Variants in KDM3B observed in about 807,000 individuals in gnomAD.
KDM3B encodes lysine-specific demethylase 3B.
A neutral mutation model predicts 170.0 loss-of-function variants in KDM3B; 10 were observed. That is an observed-to-expected ratio of 0.06 (90% CI 0.04 to 0.10). The LOEUF (loss-of-function observed/expected upper bound fraction) is 0.10. KDM3B is among the 10% of genes least tolerant of loss of function. The pLI is 1.00. For missense variants in KDM3B, 1,394 were observed against 2,195.2 expected (o/e 0.64, Z 7.29); for synonymous variants, 831 against 834.8 (o/e 1.00, Z 0.08).
chr5:138,391,734 T>C lies in KDM3B; in HGVS notation c.2102T>C (p.Leu701Pro), dbSNP rs1762436192. ...TTCATTACAACTGACTCCTCCAAGC[T>C]AGTATCTGGTGTTCTGGGCTCAGCT... ...PLFITTDSSK[L>P]VSGVLGSALT... Residue 701 changes from leucine (L) to proline (P), a missense_variant, in exon 8 of 24, where the codon CTA (leucine) becomes CCA (proline). This residue lies in a region of KDM3B where 294 missense variants were observed against 311.7 expected (regional missense o/e 0.94). Transcript: ENST00000314358. The surrounding 1 kb of genome is among the most constrained non-coding windows in gnomAD (Gnocchi z 5.0). The C allele has an allele frequency of 6.2e-7, 1 of 1,614,046 alleles. No homozygotes were observed. The highest frequency in any genetic ancestry group is 8.5e-7 in the Non-Finnish European group (1 of 1,180,030).
intron 9 of KDM3B, among the ~76,000 whole-genome samples, chr5:138,397,226 T>C (rs966672661): frequency 6.6e-6 from 1 of 151,958 alleles, no homozygotes. Context: ...TTCCAGCTAC[T>C]GGGGAGGCTG....
intron 14 of KDM3B, among the ~76,000 whole-genome samples, chr5:138,419,766 C>CACACACACACACACACACAT (rs1371751932): frequency 1.5e-5 from 2 of 131,994 alleles, no homozygotes; most frequent in African/African-American, 2.8e-5. Flanking sequence ...CACACACACA[C>CACACACACACACACACACAT]ATATATATGA....
chr5:138,377,380 C>T (rs1762024414), intron 3 of KDM3B, among the ~76,000 whole-genome samples: 1 of 152,170 alleles, frequency 6.6e-6, no homozygotes, highest in Non-Finnish European at 1.5e-5. Context: ...TTGATCCTAG[C>T]ATTCTTAATT....
In KDM3B at chr5:138,391,146, T is replaced by G. The variant is rs1379518518; in HGVS notation, c.1514T>G (p.Phe505Cys). Residue 505 changes from phenylalanine to cysteine, a missense_variant, in exon 8 of 24, where the codon TTC (phenylalanine) becomes TGC (cysteine). Around this residue, in one of 19 missense-constraint regions of KDM3B, gnomAD observed 294 missense variants for 311.7 expected, o/e 0.94. Transcript: ENST00000314358. This position sits in a 1 kb window ranked among gnomAD's most constrained non-coding sequence, Gnocchi z 5.0. Reference protein sequence around the residue: ...VLATENKPLGFSFGCSSAQEA... With the variant: ...VLATENKPLGCSFGCSSAQEA... The stretch of plus-strand genomic sequence containing the variant: ...GCCACAGAGAACAAACCTTTGGGCT[T>G]CTCTTTTGGCTGTAGCTCTGCACAA... 8 of 1,614,040 alleles carry G rather than the reference T, an allele frequency of 5.0e-6. No individual in the cohort carries two copies. The highest frequency in any genetic ancestry group is 3.3e-5 in the Admixed American group (2 of 60,000).
chr5:138,419,678 T>TATATATAC, intron 14 of KDM3B, among the ~76,000 whole-genome samples: 1 of 133,156 alleles, frequency 7.5e-6, no homozygotes, highest in East Asian at 2.2e-4. Flanking sequence ...AATATATATA[T>TATATATAC]ATATATATAT....
At chr5:138,399,740 C>G in intron 10 of KDM3B, 120 bp from the exon 11 acceptor site, 1 of 798,308 alleles carries the variant, frequency 1.3e-6, no homozygotes, top group Non-Finnish European at 1.9e-6. Context: ...GAAACACAGA[C>G]TTTATGAATC....
At chr5:138,368,129 A>G (rs1320082554) in intron 1 of KDM3B, among the ~76,000 whole-genome samples, 1 of 151,874 alleles carries the variant, frequency 6.6e-6, no homozygotes, top group East Asian at 1.9e-4. Context: ...TATTTTTGCT[A>G]GTTTATATCC....
intron 5 of KDM3B, 54 bp downstream of exon 5, chr5:138,379,762 G>A: frequency 1.3e-6 from 2 of 1,527,922 alleles, no homozygotes; most frequent in African/African-American, 1.4e-5. Flanking sequence ...AAAGAGGATG[G>A]TTTAGATAGG....
intron 9 of KDM3B, among the ~76,000 whole-genome samples, chr5:138,393,908 C>A (rs988780283): frequency 6.6e-6 from 1 of 152,006 alleles, no homozygotes; most frequent in African/African-American, 2.4e-5. Context: ...TTCTGAGTGA[C>A]CTTTCAAGAA....
At chr5:138,353,019 C>G in intron 1 of KDM3B, 32 bp downstream of exon 1, 1 of 963,064 alleles carries the variant, frequency 1.0e-6, no homozygotes, top group African/African-American at 2.1e-5. Flanking sequence ...CACTCGAGGC[C>G]GGGGCTGCGG....
At chr5:138,372,011 A>G (rs1761885895) in intron 1 of KDM3B, among the ~76,000 whole-genome samples, 1 of 151,832 alleles carries the variant, frequency 6.6e-6, no homozygotes, top group Non-Finnish European at 1.5e-5. Flanking sequence ...TACTTGGGAG[A>G]CTGAGGCAGG....
chr5:138,376,929 C>T (rs1762014675), intron 3 of KDM3B, among the ~76,000 whole-genome samples: 1 of 152,114 alleles, frequency 6.6e-6, no homozygotes, highest in African/African-American at 2.4e-5. Flanking sequence ...ATTTATTTTT[C>T]ACTTGTAAGG....
intron 9 of KDM3B, among the ~76,000 whole-genome samples, chr5:138,397,671 G>A (rs1421034078): frequency 1.3e-5 from 2 of 152,002 alleles, no homozygotes; most frequent in African/African-American, 4.8e-5. Context: ...GACCAGCCTG[G>A]GCAACATGGC....
rs756330225 is a variant in KDM3B, at chr5:138,391,094, G to A, written c.1462G>A (p.Gly488Arg). The part of the protein sequence containing the change: ...SSSQPLTFGS[G>R]RSQSNGVLAT... ...ATCGCAACCTTTGACTTTTGGAAGT[G>A]GAAGGAGCCAGTCCAATGGTGTTCT... Residue 488 changes from glycine (G) to arginine (R), a missense_variant, in exon 8 of 24, where the codon GGA (glycine) becomes AGA (arginine). By Grantham distance (125) the Gly-to-Arg change is moderately radical (BLOSUM62 -2). Coordinates refer to ENST00000314358, the MANE Select transcript of KDM3B (RefSeq NM_016604.4). The surrounding 1 kb of genome is among the most constrained non-coding windows in gnomAD (Gnocchi z 5.0). The A allele has an allele frequency of 6.2e-7, 1 of 1,613,156 alleles. No individual in the cohort carries two copies. Among genetic ancestry groups the A allele is most frequent in the Non-Finnish European group, 8.5e-7 (1 of 1,179,480 alleles).
At chr5:138,369,809 A>G (rs1263926783) in intron 1 of KDM3B, among the ~76,000 whole-genome samples, 2 of 152,210 alleles carry the variant, frequency 1.3e-5, no homozygotes, top group African/African-American at 4.8e-5. Flanking sequence ...GTGCTTTATA[A>G]TCAACCAAAG....
intron 21 of KDM3B, 29 bp downstream of exon 21, chr5:138,429,994 G>T: frequency 6.2e-7 from 1 of 1,612,010 alleles, no homozygotes; most frequent in Non-Finnish European, 8.5e-7. Flanking sequence ...TGTGCTCCCA[G>T]CTCACATATC....
At chr5:138,404,029 A>G (rs1259390167) in intron 11 of KDM3B, among the ~76,000 whole-genome samples, 2 of 152,080 alleles carry the variant, frequency 1.3e-5, no homozygotes, top group Non-Finnish European at 2.9e-5. Context: ...AGAAGAAAAA[A>G]AAAAGACTAA....
chr5:138,367,976 G>C (rs550361963), intron 1 of KDM3B, among the ~76,000 whole-genome samples: 1 of 151,348 alleles, frequency 6.6e-6, no homozygotes, highest in South Asian at 2.1e-4. Context: ...TCGCACCACT[G>C]CACTCCAGCC....
chr5:138,420,370 T>G (rs186399555), intron 14 of KDM3B, among the ~76,000 whole-genome samples: 62 of 152,336 alleles, frequency 4.1e-4, no homozygotes, highest in African/African-American at 1.4e-3. Flanking sequence ...GATCTCCATT[T>G]TTAACAAGCA....
Sources: gnomAD v4.1 joint callset for allele counts (sites outside exome capture counted in the v4.1 genomes callset) on GRCh38, gnomAD v4.1.1 for gene constraint, gnomAD v4.1.1 regional missense constraint, Gnocchi (gnomAD v3.1) non-coding constraint, MANE v1.5 for transcripts, NCBI Gene and HGNC (gene_info 2026-07-23, HGNC 2026-07-21) for gene names.